SCUBE2: variants seen among roughly 807,000 people sequenced by gnomAD.
The protein encoded by SCUBE2 is signal peptide, CUB and EGF-like domain-containing protein 2.
A neutral mutation model predicts 125.9 loss-of-function variants in SCUBE2; 114 were observed. The observed-to-expected ratio is 0.91, with a 90% CI of 0.78 to 1.06. The LOEUF (loss-of-function observed/expected upper bound fraction) is 1.06. Ranked by LOEUF, SCUBE2 falls within the 50% of genes least tolerant of loss-of-function variation. SCUBE2 has a pLI of 0.00. For missense variants in SCUBE2, 1,255 were observed against 1,301.8 expected, an observed-to-expected ratio of 0.96 and a Z score of 0.55; for synonymous variants, 459 against 492.9, an observed-to-expected ratio of 0.93 and a Z score of 0.91.
At chr11:9,022,593 G>A (rs1309687724) in intron 21 of SCUBE2, 1 of 152,528 alleles carries the variant, frequency 6.6e-6, no homozygotes, top group Non-Finnish European at 1.5e-5. Context: ...CCAGTTCTTG[G>A]TCTTCATCCT....
At position 9,053,695 on chromosome 11, in the gene SCUBE2, G is replaced by A; in HGVS notation, c.1272C>T (p.Ser424=). The A allele has an allele frequency of 6.2e-7, 1 of 1,614,158 alleles. No homozygotes were observed. Among genetic ancestry groups the A allele is most frequent in the Non-Finnish European group, 8.5e-7 (1 of 1,180,014 alleles). The change falls in exon 11 of 23, where the codon AGC becomes AGT. Residue 424 remains serine, a synonymous_variant. Transcript: ENST00000649792. ...CQQVCVNTVG[S]YECQCHPGYK... ...ACCCAGGGTGGCACTGGCATTCATAGCTGCCCACTGTGTTCACACAGACCT... is the reference window on the plus strand; with the variant it reads ...ACCCAGGGTGGCACTGGCATTCATAACTGCCCACTGTGTTCACACAGACCT...
Position 9,030,083 on chromosome 11 carries a change from A to C in SCUBE2, c.2342-38T>G, listed in dbSNP as rs147258145. The C allele has an allele frequency of 1.5e-3, 2,332 of 1,594,288 alleles. 34 individuals carry two copies. The African/African-American group carries it at 0.027, about 18-fold the overall frequency. Reference sequence around the variant, plus strand: ...GGAGGGTGAAAAGAATGAAAAAAAGAAAGATTATTTTTAATCAAATGCAGC... The same window carrying C: ...GGAGGGTGAAAAGAATGAAAAAAAGCAAGATTATTTTTAATCAAATGCAGC... On this transcript the variant is annotated intron_variant, in intron 18 of 22. Transcript: ENST00000649792.
At chr11:9,033,529 G>T in intron 17 of SCUBE2, 97 bp downstream of exon 17, 1 of 1,405,008 alleles carries the variant, frequency 7.1e-7, no homozygotes, top group Non-Finnish European at 9.7e-7. Flanking sequence ...AGGAAGCCCC[G>T]GGTGAGTGTG....
rs376851791 is a variant in SCUBE2, at chr11:9,048,068, C to T, written c.1670G>A (p.Arg557His). ...EKHSSVKESF[R>H]YVNLTCSSGK... ...AGAGCTGCATGTAAGGTTTACGTAGCGGAAGCTCTCTTTTACTGAGCTGTG... is the reference window on the plus strand; with the variant it reads ...AGAGCTGCATGTAAGGTTTACGTAGTGGAAGCTCTCTTTTACTGAGCTGTG... The change falls in exon 15 of 23, where the codon CGC becomes CAC. Residue 557 changes from arginine (R) to histidine (H), a missense_variant. Coordinates refer to ENST00000649792, the MANE Select transcript of SCUBE2 (RefSeq NM_001367977.2). 20 of 1,613,602 alleles carry T rather than the reference C, an allele frequency of 1.2e-5. No homozygotes were observed. The highest frequency in any genetic ancestry group is 1.7e-4 in the Middle Eastern group (1 of 6,050).
Position 9,091,392 on chromosome 11 carries a change from T to C in SCUBE2, c.133+4A>G. The C allele has an allele frequency of 7.6e-7, 1 of 1,312,668 alleles. No individual in the cohort carries two copies. Among genetic ancestry groups the C allele is most frequent in the African/African-American group, 1.6e-5 (1 of 64,152 alleles). The allele number at this position is 1,312,668 out of a possible 1,614,324, so 81.3% of individuals were successfully genotyped here. On this transcript the variant is annotated splice_donor_region_variant and intron_variant, in intron 1 of 22. Coordinates refer to ENST00000649792, the MANE Select transcript of SCUBE2 (RefSeq NM_001367977.2). The surrounding 1 kb of genome is among the most constrained non-coding windows in gnomAD (Gnocchi z 8.5). ...CAGGTGCGCCCCCGCGGCCGGACAC[T>C]CACCCTCCTGCGGCCCCGCGGCACG...
At chr11:9,026,001 G>T in intron 20 of SCUBE2, 147 bp from the exon 21 acceptor site, 1 of 793,600 alleles carries the variant, frequency 1.3e-6, no homozygotes, top group Non-Finnish European at 1.9e-6. Flanking sequence ...ATAAGTCAAA[G>T]GTCCTGGAAA....
intron 14 of SCUBE2, 81 bp from the exon 15 acceptor site, chr11:9,048,179 T>C: frequency 1.4e-6 from 2 of 1,412,614 alleles, no homozygotes; most frequent in Non-Finnish European, 1.9e-6. Flanking sequence ...CAGTAAACAT[T>C]TCATTAAAAC....
At chr11:9,070,855 C>G (rs2135778997) in intron 4 of SCUBE2, among the ~76,000 whole-genome samples, 1 of 152,298 alleles carries the variant, frequency 6.6e-6, no homozygotes, top group Non-Finnish European at 1.5e-5. Context: ...CTCTTAAAAC[C>G]CTCTTGCTCT....
chr11:9,047,847 C>T, intron 15 of SCUBE2, 96 bp downstream of exon 15: 1 of 1,390,366 alleles, frequency 7.2e-7, no homozygotes, highest in Non-Finnish European at 9.8e-7. Context: ...TCAGTGTTTG[C>T]ATTACTTTTC....
intron 17 of SCUBE2, among the ~76,000 whole-genome samples, chr11:9,031,753 A>G (rs529913690): frequency 2.3e-4 from 35 of 152,346 alleles, no homozygotes; most frequent in Admixed American, 1.2e-3. Context: ...AGGATTTCTA[A>G]AAGCACATGT....
intron 3 of SCUBE2, 139 bp from the exon 4 acceptor site, chr11:9,074,754 C>T (rs1162408759): frequency 9.9e-7 from 1 of 1,011,548 alleles, no homozygotes; most frequent in African/African-American, 1.6e-5. Flanking sequence ...AGAATCAAAG[C>T]CGGTAAGGTC....
chr11:9,047,696 C>A, intron 15 of SCUBE2, 134 bp from the exon 16 acceptor site: 1 of 985,216 alleles, frequency 1.0e-6, no homozygotes. Flanking sequence ...GGAGGGGGCA[C>A]CTAGCAGGCT....
intron 10 of SCUBE2, among the ~76,000 whole-genome samples, chr11:9,054,265 G>A (rs1434815296): frequency 6.6e-6 from 1 of 152,028 alleles, no homozygotes; most frequent in African/African-American, 2.4e-5. Context: ...CCAAAGTGCT[G>A]GGATTACAGG....
At position 9,021,127 on chromosome 11, in the gene SCUBE2, T is replaced by C. The variant is rs748569349; in HGVS notation, c.3005A>G (p.Gln1002Arg). The C allele has an allele frequency of 5.6e-6, 9 of 1,613,628 alleles. No homozygotes were observed. Among genetic ancestry groups the C allele is most frequent in the African/African-American group, 1.3e-5 (1 of 74,914 alleles). Residue 1002 changes from glutamine (Q) to arginine (R), a missense_variant, in exon 23 of 23, where the codon CAG (glutamine) becomes CGG (arginine). Gln to Arg is a conservative substitution (Grantham distance 43, BLOSUM62 1). Transcript: ENST00000649792. ...TCTTGGAAACATCTCTCGGGACTCC[T>C]GGGCTGTGTACTTGAAATAGTTCTG... ...HPQNYFKYTA[Q>R]ESREMFPRSF...
At chr11:9,042,997 T>C (rs79017722) in intron 16 of SCUBE2, among the ~76,000 whole-genome samples, 3,848 of 152,286 alleles carry the variant, frequency 0.025, 59 homozygotes, top group Middle Eastern at 0.034. Context: ...CTTTCTAGAA[T>C]ACACATATGA....
chr11:9,056,349 G>A (rs117872228), intron 9 of SCUBE2, among the ~76,000 whole-genome samples: 16 of 152,278 alleles, frequency 1.1e-4, no homozygotes, highest in Admixed American at 3.3e-4. Flanking sequence ...AAAACACTTG[G>A]TTTGGAGGTA....
At chr11:9,089,535 A>G (rs1007374042) in intron 2 of SCUBE2, among the ~76,000 whole-genome samples, 172 bp downstream of exon 2, 22 of 152,304 alleles carry the variant, frequency 1.4e-4, no homozygotes, top group African/African-American at 5.1e-4. Context: ...GGAAGACCTA[A>G]TGTTTCCAGT....
Position 9,021,972 on chromosome 11 carries a change from C to T in SCUBE2, c.2855-17G>A, listed in dbSNP as rs780760329. The stretch of plus-strand genomic sequence containing the variant: ...GGTAGTCCTCTGTTGGAATAAAGAA[C>T]ATGTTTTGCATTCTTATGATTTAGT... On this transcript the variant is annotated splice_polypyrimidine_tract_variant and intron_variant, in intron 21 of 22. Coordinates refer to ENST00000649792, the MANE Select transcript of SCUBE2 (RefSeq NM_001367977.2). 8.2e-6 allele frequency: 13 copies of T among 1,582,130 alleles called. No homozygotes were observed. Among genetic ancestry groups the T allele is most frequent in the South Asian group, 1.1e-5 (1 of 90,376 alleles).
intron 16 of SCUBE2, among the ~76,000 whole-genome samples, chr11:9,039,563 GTC>G (rs1365833792): frequency 2.0e-5 from 3 of 152,202 alleles, no homozygotes; most frequent in South Asian, 4.1e-4. Flanking sequence ...TCTACTGTTG[GTC>G]TCTGAGGCGG....
Sources: gnomAD v4.1 joint callset for allele counts (sites outside exome capture counted in the v4.1 genomes callset) on GRCh38, gnomAD v4.1.1 for gene constraint, Gnocchi (gnomAD v3.1) non-coding constraint, MANE v1.5 for transcripts, NCBI Gene and HGNC (gene_info 2026-07-23, HGNC 2026-07-21) for gene names.